Variants in AGBL1 observed in about 807,000 individuals in gnomAD.
AGBL1 encodes AGBL carboxypeptidase 1.
Under a neutral mutation model 118.9 loss-of-function variants are expected in AGBL1, and 130 were observed. The observed-to-expected ratio is 1.09, with a 90% CI of 0.95 to 1.26. The LOEUF (loss-of-function observed/expected upper bound fraction) is 1.26. AGBL1 is among the 50% of genes most tolerant of loss of function. The pLI is 0.00. For synonymous variants in AGBL1, 555 were observed against 478.9 expected (o/e 1.16, Z -2.08); for missense variants, 1,584 against 1,298.1 (o/e 1.22, Z -3.38).
intron 21 of AGBL1, among the ~76,000 whole-genome samples, chr15:86,622,200 G>C (rs541715288): frequency 6.6e-6 from 1 of 151,958 alleles, no homozygotes; most frequent in Non-Finnish European, 1.5e-5. Flanking sequence ...CGTGGTGCTG[G>C]GCACCTGTAA....
chr15:86,500,548 A>T (rs560695856), intron 18 of AGBL1, among the ~76,000 whole-genome samples: 1 of 151,756 alleles, frequency 6.6e-6, no homozygotes, highest in Non-Finnish European at 1.5e-5. Context: ...AGTTATTTCA[A>T]GTGGGTAAAG....
intron 14 of AGBL1, among the ~76,000 whole-genome samples, chr15:86,271,160 C>T (rs557884560): frequency 1.4e-5 from 2 of 146,038 alleles, no homozygotes; most frequent in Admixed American, 7.3e-5. Flanking sequence ...AAGCGATTCT[C>T]CTGCCTCAGC....
chr15:86,476,058 C>T (rs1025972503), intron 18 of AGBL1, among the ~76,000 whole-genome samples: 2 of 152,154 alleles, frequency 1.3e-5, no homozygotes, highest in African/African-American at 4.8e-5. Context: ...CCAGGCCTGC[C>T]TTACAAGAGC....
chr15:86,899,463 T>G (rs1324721970), intron 22 of AGBL1, among the ~76,000 whole-genome samples: 1 of 152,024 alleles, frequency 6.6e-6, no homozygotes, highest in Non-Finnish European at 1.5e-5. Flanking sequence ...ATGAAATAAT[T>G]TGTACAACGA....
intron 16 of AGBL1, among the ~76,000 whole-genome samples, chr15:86,291,040 A>G (rs1597689106): frequency 6.6e-6 from 1 of 152,174 alleles, no homozygotes; most frequent in African/African-American, 2.4e-5. Flanking sequence ...TTATGGCTGC[A>G]TAGTATTCCA....
chr15:86,971,024 C>T (rs146805601), intron 23 of AGBL1, among the ~76,000 whole-genome samples: 21 of 152,008 alleles, frequency 1.4e-4, no homozygotes, highest in African/African-American at 4.8e-4. Flanking sequence ...AAATAGTACA[C>T]CATTTTATAT....
intron 22 of AGBL1, among the ~76,000 whole-genome samples, chr15:86,833,114 T>C (rs921515249): frequency 6.6e-6 from 1 of 152,144 alleles, no homozygotes; most frequent in African/African-American, 2.4e-5. Flanking sequence ...CCCCCATGAT[T>C]CAATTGCTTC....
chr15:86,548,671 A>G lies in AGBL1; in HGVS notation c.2817+2538A>G, dbSNP rs911854018. Among the ~76,000 whole-genome samples the G allele has an allele frequency of 1.1e-4, 16 of 147,266 alleles. No homozygotes were observed. The East Asian group carries it at 1.6e-3, about 15-fold the overall frequency. ...CACACACACACATGCACGCACACAC[A>G]CACACACACACACACACACACACAC... On this transcript the variant is annotated intron_variant, in intron 20 of 22. Transcript: ENST00000614907.
intron 7 of AGBL1, among the ~76,000 whole-genome samples, chr15:86,255,630 A>C (rs1485524044): frequency 6.6e-6 from 1 of 152,172 alleles, no homozygotes; most frequent in Non-Finnish European, 1.5e-5. Flanking sequence ...TCAAAATACA[A>C]ACATTAGCTG....
At chr15:86,835,048 C>G (rs1409357324) in intron 22 of AGBL1, among the ~76,000 whole-genome samples, 6 of 152,116 alleles carry the variant, frequency 3.9e-5, no homozygotes, top group Non-Finnish European at 5.9e-5. Flanking sequence ...CATATGGACT[C>G]TCTTGTCTGA....
At chr15:86,088,726 A>G (rs1895834271) in intron 1 of AGBL1, among the ~76,000 whole-genome samples, 1 of 152,186 alleles carries the variant, frequency 6.6e-6, no homozygotes, top group Admixed American at 6.5e-5. Flanking sequence ...TTACTAAAGA[A>G]TCTTCATTTT....
chr15:86,261,717 C>T (rs1302987179), intron 9 of AGBL1, among the ~76,000 whole-genome samples: 1 of 151,950 alleles, frequency 6.6e-6, no homozygotes, highest in Non-Finnish European at 1.5e-5. Flanking sequence ...TAAGACCCTA[C>T]AACCCTTGGA....
At chr15:86,726,285 A>G (rs373722221) in intron 22 of AGBL1, among the ~76,000 whole-genome samples, 1 of 152,152 alleles carries the variant, frequency 6.6e-6, no homozygotes, top group African/African-American at 2.4e-5. Context: ...CAAGATCTGG[A>G]AAAGGCAGTG....
chr15:86,690,828 G>GTC (rs2086152875), intron 22 of AGBL1, among the ~76,000 whole-genome samples: 1 of 152,104 alleles, frequency 6.6e-6, no homozygotes, highest in African/African-American at 2.4e-5. Flanking sequence ...TGAATTGTTA[G>GTC]TCTCTTGAAG....
At chr15:86,376,450 C>T (rs2081042035) in intron 17 of AGBL1, among the ~76,000 whole-genome samples, 1 of 152,240 alleles carries the variant, frequency 6.6e-6, no homozygotes, top group African/African-American at 2.4e-5. Context: ...GAAAGAGATG[C>T]ATAGGACAGA....
chr15:86,309,081 C>T (rs1459334581), intron 17 of AGBL1, among the ~76,000 whole-genome samples: 5 of 152,186 alleles, frequency 3.3e-5, no homozygotes, highest in African/African-American at 4.8e-5. Flanking sequence ...TTATATGTGT[C>T]TTCTTCAATT....
At chr15:86,889,743 G>A (rs1012482997) in intron 22 of AGBL1, among the ~76,000 whole-genome samples, 4 of 152,174 alleles carry the variant, frequency 2.6e-5, no homozygotes, top group Admixed American at 6.5e-5. Context: ...TTTTATGGCT[G>A]CATAGTATTA....
intron 5 of AGBL1, among the ~76,000 whole-genome samples, chr15:86,199,943 C>G (rs2077876871): frequency 6.6e-6 from 1 of 152,192 alleles, no homozygotes. Context: ...ATGGGTGATT[C>G]TAACATGCCT....
intron 21 of AGBL1, chr15:86,556,294 G>A: frequency 1.2e-6 from 2 of 1,608,620 alleles, no homozygotes; most frequent in South Asian, 1.1e-5. Context: ...AGGTATTGGA[G>A]CAGCATTTAT....
Sources: gnomAD v4.1 joint callset for allele counts (sites outside exome capture counted in the v4.1 genomes callset) on GRCh38, gnomAD v4.1.1 for gene constraint, MANE v1.5 for transcripts, NCBI Gene and HGNC (gene_info 2026-07-23, HGNC 2026-07-21) for gene names.